Variants in TCEA1 observed in about 807,000 individuals in gnomAD.
The protein encoded by TCEA1 is transcription elongation factor A1.
In TCEA1, 21 loss-of-function variants were observed where a neutral mutation model predicts 43.8. That is an observed-to-expected ratio of 0.48 (90% CI 0.34 to 0.69). TCEA1 has a LOEUF of 0.69. TCEA1 is among the 30% of genes least tolerant of loss of function. The pLI, the probability that TCEA1 is intolerant of heterozygous loss-of-function variation, is 0.01. For missense variants in TCEA1, 250 were observed against 365.1 expected, an observed-to-expected ratio of 0.68 and a Z score of 2.57; for synonymous variants, 104 against 117.5, an observed-to-expected ratio of 0.88 and a Z score of 0.75.
At chr8:54,020,086 T>C (rs1004741265) in intron 1 of TCEA1, among the ~76,000 whole-genome samples, 10 of 152,178 alleles carry the variant, frequency 6.6e-5, no homozygotes, top group African/African-American at 2.4e-4. Flanking sequence ...ACTAAAAAAT[T>C]ACTTAGAAAC....
intron 2 of TCEA1, chr8:54,009,696 G>A (rs1563512224): frequency 6.6e-6 from 1 of 152,182 alleles, no homozygotes; most frequent in Non-Finnish European, 1.5e-5. Flanking sequence ...AATGAAGACA[G>A]GTTTGTTCAT....
intron 3 of TCEA1, among the ~76,000 whole-genome samples, chr8:53,993,977 T>C (rs945634243): frequency 6.6e-6 from 1 of 152,140 alleles, no homozygotes; most frequent in African/African-American, 2.4e-5. Flanking sequence ...CAAATTCACA[T>C]GCCATGGGAA....
intron 2 of TCEA1, 27 bp from the exon 3 acceptor site, chr8:54,000,077 G>A: frequency 7.9e-7 from 1 of 1,264,362 alleles, no homozygotes; most frequent in Non-Finnish European, 1.1e-6. Flanking sequence ...AAAAAATTAT[G>A]TATACCAATT....
Position 54,000,064 on chromosome 8 carries a change from A to G in TCEA1, c.127-14T>C. The G allele has an allele frequency of 6.8e-7, 1 of 1,473,678 alleles. No individual in the cohort carries two copies. The highest frequency in any genetic ancestry group is 1.4e-5 in the South Asian group (1 of 72,030). The allele number at this position is 1,473,678 out of a possible 1,614,324, so 91.3% of individuals were successfully genotyped here. A position where few individuals can be genotyped will look rare whatever the true frequency, so the allele number is the denominator to read the frequency against. On this transcript the variant is annotated splice_polypyrimidine_tract_variant and intron_variant, in intron 2 of 9. Coordinates refer to ENST00000521604, the MANE Select transcript of TCEA1 (RefSeq NM_006756.4). ...GATTCTTGTGGACTGCAAGGCAATA[A>G]CAAAAAAATTATGTATACCAATTTT...
At chr8:54,012,504 AGCCGAGATCGC>A (rs1364272839) in intron 1 of TCEA1, among the ~76,000 whole-genome samples, 1 of 152,232 alleles carries the variant, frequency 6.6e-6, no homozygotes, top group Non-Finnish European at 1.5e-5. Flanking sequence ...GGTTGCAGTG[AGCCGAGATCGC>A]GCCACTGCAC....
intron 8 of TCEA1, among the ~76,000 whole-genome samples, chr8:53,976,700 T>G (rs1803343168): frequency 6.6e-6 from 1 of 151,918 alleles, no homozygotes; most frequent in Non-Finnish European, 1.5e-5. Context: ...CTATTTATAC[T>G]TAATACTTTC....
At chr8:54,016,964 A>G (rs1160466749) in intron 1 of TCEA1, among the ~76,000 whole-genome samples, 2 of 136,880 alleles carry the variant, frequency 1.5e-5, no homozygotes, top group Middle Eastern at 3.4e-3. Context: ...ACAGAGCAAG[A>G]TGAGACTCCG....
intron 7 of TCEA1, among the ~76,000 whole-genome samples, chr8:53,980,582 G>C (rs533753337): frequency 1.3e-4 from 20 of 152,084 alleles, no homozygotes; most frequent in African/African-American, 4.1e-4. Flanking sequence ...ACTGTTTTAG[G>C]GGCACCACTA....
intron 3 of TCEA1, among the ~76,000 whole-genome samples, chr8:53,999,045 G>A (rs572732020): frequency 9.9e-5 from 15 of 152,022 alleles, no homozygotes; most frequent in Admixed American, 3.3e-4. Flanking sequence ...TGGCTAACAC[G>A]GTGAAACCTC....
chr8:54,006,826 T>G (rs1046021331), intron 2 of TCEA1, among the ~76,000 whole-genome samples: 2 of 152,180 alleles, frequency 1.3e-5, no homozygotes, highest in Non-Finnish European at 2.9e-5. Flanking sequence ...TTCTGGGGTC[T>G]AGAGATAGAG....
intron 8 of TCEA1, chr8:53,973,494 G>GA: frequency 4.0e-6 from 2 of 500,248 alleles, no homozygotes; most frequent in South Asian, 3.4e-5. Context: ...TAGGTATAAA[G>GA]AAAAAAGTGA....
At chr8:53,985,295 G>A (rs2129302732) in intron 6 of TCEA1, among the ~76,000 whole-genome samples, 1 of 152,320 alleles carries the variant, frequency 6.6e-6, no homozygotes, top group South Asian at 2.1e-4. Flanking sequence ...GGGATTATAG[G>A]CGTGAGCCAC....
intron 1 of TCEA1, among the ~76,000 whole-genome samples, chr8:54,012,460 T>A (rs1222384257): frequency 6.6e-6 from 1 of 152,152 alleles, no homozygotes; most frequent in Non-Finnish European, 1.5e-5. Flanking sequence ...CTCAGGAGAC[T>A]GAGGCAGAGA....
At chr8:53,997,484 T>C (rs1429008923) in intron 3 of TCEA1, among the ~76,000 whole-genome samples, 1 of 152,210 alleles carries the variant, frequency 6.6e-6, no homozygotes, top group Non-Finnish European at 1.5e-5. Flanking sequence ...TCAATCACTC[T>C]GGATATGATA....
intron 8 of TCEA1, chr8:53,973,606 A>G (rs1803233885): frequency 3.5e-6 from 2 of 568,620 alleles, no homozygotes; most frequent in Non-Finnish European, 6.8e-6. Context: ...GAGGAAAGTA[A>G]GAAACACTTC....
chr8:54,016,336 T>C lies in TCEA1; in HGVS notation c.63+5727A>G, dbSNP rs540075942. On this transcript the variant is annotated intron_variant, in intron 1 of 9. Coordinates refer to ENST00000521604, the MANE Select transcript of TCEA1 (RefSeq NM_006756.4). ...CTAAAAATACAATAGCCGGGCATGGTGCTGGGTGCCTGTAGCCCCAGCTAC... is the reference window on the plus strand; with the variant it reads ...CTAAAAATACAATAGCCGGGCATGGCGCTGGGTGCCTGTAGCCCCAGCTAC... Among the ~76,000 whole-genome samples, 4 of 152,212 alleles carry C rather than the reference T, an allele frequency of 2.6e-5. No individual in the cohort carries two copies. The South Asian group carries it at 8.3e-4, about 32-fold the overall frequency.
chr8:53,988,977 G>GA (rs1803781704), intron 4 of TCEA1, among the ~76,000 whole-genome samples: 1 of 151,494 alleles, frequency 6.6e-6, no homozygotes, highest in Admixed American at 6.6e-5. Context: ...GCTGAGGCAG[G>GA]AAAATCGCTT....
chr8:53,984,241 T>C (rs1803614115), intron 7 of TCEA1, 122 bp downstream of exon 7: 1 of 930,490 alleles, frequency 1.1e-6, no homozygotes, highest in African/African-American at 1.7e-5. Context: ...TATATAAATA[T>C]ATCAGAATAA....
At position 53,967,584 on chromosome 8, in the gene TCEA1, T is replaced by C; in HGVS notation, c.*520A>G. On this transcript the variant is annotated 3_prime_UTR_variant, in exon 10 of 10. Coordinates refer to ENST00000521604, the MANE Select transcript of TCEA1 (RefSeq NM_006756.4). ...AACATAATAATTAAAATCAAATTCA[T>C]AAGCTACCTCAAAATTATGTACATT... is the stretch of plus-strand genomic sequence containing the variant. The C allele has an allele frequency of 5.0e-6, 1 of 198,892 alleles. No individual in the cohort carries two copies. Among genetic ancestry groups the C allele is most frequent in the Non-Finnish European group, 1.0e-5 (1 of 96,704 alleles). 12.3% of individuals were successfully genotyped at this position (198,892 alleles called of 1,614,324 possible).
Sources: allele counts gnomAD v4.1 joint callset (sites outside exome capture counted in the v4.1 genomes callset), GRCh38; gene constraint gnomAD v4.1.1; transcripts MANE v1.5; gene names NCBI Gene and HGNC (gene_info 2026-07-23, HGNC 2026-07-21).